The following DLG5 variants were observed in gnomAD, a reference collection of about 807,000 sequenced individuals.
DLG5 encodes the protein discs large MAGUK scaffold protein 5, also known as disks large homolog 5.
In DLG5, 48 loss-of-function variants were observed where a neutral mutation model predicts 189.8. The observed-to-expected ratio is 0.25, with a 90% CI of 0.20 to 0.32. The LOEUF (loss-of-function observed/expected upper bound fraction) is 0.32. Among genes scored for constraint, DLG5 ranks in the 10% least tolerant of loss-of-function variants. The pLI is 1.00. For synonymous variants in DLG5, 1,016 were observed against 1,054.1 expected, an observed-to-expected ratio of 0.96 and a Z score of 0.70; for missense variants, 2,160 against 2,544.7, an observed-to-expected ratio of 0.85 and a Z score of 3.25.
intron 6 of DLG5, 139 bp from the exon 7 acceptor site, chr10:77,842,332 C>G: frequency 8.4e-6 from 9 of 1,069,372 alleles, no homozygotes; most frequent in Non-Finnish European, 1.2e-5. Flanking sequence ...CTCTCCACCC[C>G]CAGGAGAGAA....
intron 27 of DLG5, among the ~76,000 whole-genome samples, chr10:77,803,830 G>GA (rs1274047787): frequency 6.8e-6 from 1 of 147,168 alleles, no homozygotes; most frequent in African/African-American, 2.5e-5. Context: ...GAGAGTGAAG[G>GA]AAAAAAAACA....
rs1843175969 is a variant in DLG5, at chr10:77,837,091, T to G, written c.1438-1169A>C. On this transcript the variant is annotated intron_variant, in intron 7 of 31. Transcript: ENST00000372391. Reference sequence around the variant, plus strand: ...TTAGCCAGACATGGTGGCATGTGCCTGTGGTCCCAGCTACATGGGAGACTG... The same window carrying G: ...TTAGCCAGACATGGTGGCATGTGCCGGTGGTCCCAGCTACATGGGAGACTG... Among the ~76,000 whole-genome samples, 2 of 151,770 alleles carry G rather than the reference T, an allele frequency of 1.3e-5. 1 individual carries two copies. The highest frequency in any genetic ancestry group is 4.2e-4 in the South Asian group (2 of 4,814).
chr10:77,885,165 GTCATC>G (rs1845401545), intron 1 of DLG5, among the ~76,000 whole-genome samples: 1 of 152,134 alleles, frequency 6.6e-6, no homozygotes, highest in Non-Finnish European at 1.5e-5. Flanking sequence ...TTCCACACCT[GTCATC>G]TCAGTACATT....
chr10:77,793,689 G>T (rs552916600), intron 31 of DLG5: 1 of 342,134 alleles, frequency 2.9e-6, no homozygotes, highest in South Asian at 3.5e-5. Flanking sequence ...TCCAGTCCCC[G>T]CCCTGCCTGG....
intron 24 of DLG5, 149 bp downstream of exon 24, chr10:77,809,398 T>C: frequency 1.2e-6 from 1 of 847,534 alleles, no homozygotes; most frequent in Non-Finnish European, 1.8e-6. Flanking sequence ...AGAGCAAGAC[T>C]CTGCCTCAAC....
rs939904389 is a variant in DLG5, at chr10:77,926,595, A to T, written c.-75T>A. ...GAGGCCGGCGGGCGGGCAGGCGAGC[A>T]CCTCGGCAGCAGCCCTAGGGCGCCG... On this transcript the variant is annotated 5_prime_UTR_variant, in exon 1 of 32. Coordinates refer to ENST00000372391, the MANE Select transcript of DLG5 (RefSeq NM_004747.4). This position sits in a 1 kb window ranked among gnomAD's most constrained non-coding sequence, Gnocchi z 5.2. 1.1e-5 allele frequency: 12 copies of T among 1,134,426 alleles called. No homozygotes were observed. The highest frequency in any genetic ancestry group is 1.7e-5 in the African/African-American group (1 of 60,344). The allele number at this position is 1,134,426 out of a possible 1,614,324, so 70.3% of individuals were successfully genotyped here. A position where few individuals can be genotyped will look rare whatever the true frequency, so the allele number is the denominator to read the frequency against.
At chr10:77,868,067 TC>T in intron 2 of DLG5, 1 of 456,656 alleles carries the variant, frequency 2.2e-6, no homozygotes, top group Non-Finnish European at 4.4e-6. Flanking sequence ...GACAGATCTC[TC>T]CCTAGCGCCT....
At chr10:77,870,618 A>G (rs1180165998) in intron 1 of DLG5, among the ~76,000 whole-genome samples, 4 of 152,136 alleles carry the variant, frequency 2.6e-5, no homozygotes, top group Non-Finnish European at 5.9e-5. Flanking sequence ...CAGGGAAGTC[A>G]AGGCTGCAGT....
At chr10:77,818,684 C>G (rs1366339640) in intron 17 of DLG5, among the ~76,000 whole-genome samples, 1 of 152,180 alleles carries the variant, frequency 6.6e-6, no homozygotes, top group Non-Finnish European at 1.5e-5. Context: ...TCCTGACCAC[C>G]CACTCTAACT....
At chr10:77,844,360 G>T (rs1170169430) in intron 5 of DLG5, among the ~76,000 whole-genome samples, 1 of 152,186 alleles carries the variant, frequency 6.6e-6, no homozygotes, top group East Asian at 1.9e-4. Flanking sequence ...TTTGCCTCAC[G>T]CGCCTTTCCC....
chr10:77,865,649 C>T (rs1659390), intron 2 of DLG5, among the ~76,000 whole-genome samples: 39,009 of 152,074 alleles, frequency 0.26, 5,602 homozygotes, highest in Admixed American at 0.39. Flanking sequence ...GAAAAAAGTA[C>T]TGATTGCCTG....
At chr10:77,906,537 A>G in intron 1 of DLG5, among the ~76,000 whole-genome samples, 1 of 151,886 alleles carries the variant, frequency 6.6e-6, no homozygotes, top group East Asian at 1.9e-4. Flanking sequence ...AATGCCATCA[A>G]TCCCACCTTC....
Position 77,794,831 on chromosome 10 carries a change from A to T in DLG5, c.5546+18T>A. On this transcript the variant is annotated intron_variant, in intron 30 of 31. Coordinates refer to ENST00000372391, the MANE Select transcript of DLG5 (RefSeq NM_004747.4). ...CTGTGACAAGGCCCCAGCGGAGCCC[A>T]GGGGGCCAGTTACCTACTTGATGTG... 6.2e-7 allele frequency: 1 copy of T among 1,602,356 alleles called. No individual in the cohort carries two copies. The highest frequency in any genetic ancestry group is 8.5e-7 in the Non-Finnish European group (1 of 1,169,714).
At chr10:77,917,311 C>A (rs1010631552) in intron 1 of DLG5, among the ~76,000 whole-genome samples, 2 of 151,796 alleles carry the variant, frequency 1.3e-5, no homozygotes, top group African/African-American at 2.4e-5. Flanking sequence ...CACTGCACTG[C>A]AGCCTGGGCA....
At chr10:77,866,216 G>A (rs541651826) in intron 2 of DLG5, among the ~76,000 whole-genome samples, 8 of 152,308 alleles carry the variant, frequency 5.3e-5, no homozygotes, top group South Asian at 2.1e-4. Context: ...ACTCCACCCC[G>A]AGGGACTGGT....
chr10:77,887,137 T>C (rs1845463407), intron 1 of DLG5, among the ~76,000 whole-genome samples: 1 of 152,150 alleles, frequency 6.6e-6, no homozygotes, highest in South Asian at 2.1e-4. Context: ...ACTTAAAACT[T>C]CAGCCCCCAG....
chr10:77,821,831 G>C lies in DLG5; in HGVS notation c.2653C>G (p.Pro885Ala). The change falls in exon 15 of 32, where the codon CCC becomes GCC. Residue 885 changes from proline (P) to alanine (A), a missense_variant. Pro to Ala is a conservative substitution (Grantham distance 27, BLOSUM62 -1). This residue lies in a region of DLG5 where 754 missense variants were observed against 746.5 expected (regional missense o/e 1.01). Coordinates refer to ENST00000372391, the MANE Select transcript of DLG5 (RefSeq NM_004747.4). ...GPLQVCPQAC[P>A]SASERSLSSF... ...CTCAGGCTACGCTCAGAGGCACTGG[G>C]ACAGGCCTGGGGGCAGACCTGCAAG... 6.2e-7 allele frequency: 1 copy of C among 1,613,722 alleles called. No individual in the cohort carries two copies. The highest frequency in any genetic ancestry group is 8.5e-7 in the Non-Finnish European group (1 of 1,179,812).
intron 1 of DLG5, among the ~76,000 whole-genome samples, chr10:77,904,688 G>A (rs562650461): frequency 2.6e-4 from 39 of 151,646 alleles, no homozygotes; most frequent in African/African-American, 9.0e-4. Flanking sequence ...TGTAAGCAGT[G>A]CCTTTTGCCC....
chr10:77,839,033 C>T (rs1460022880), intron 7 of DLG5, among the ~76,000 whole-genome samples: 1 of 152,236 alleles, frequency 6.6e-6, no homozygotes, highest in Non-Finnish European at 1.5e-5. Flanking sequence ...AGGATGGAGG[C>T]GGGCTCCAGG....
Sources: gnomAD v4.1 joint callset for allele counts (sites outside exome capture counted in the v4.1 genomes callset) on GRCh38, gnomAD v4.1.1 for gene constraint, gnomAD v4.1.1 regional missense constraint, Gnocchi (gnomAD v3.1) non-coding constraint, MANE v1.5 for transcripts, NCBI Gene and HGNC (gene_info 2026-07-23, HGNC 2026-07-21) for gene names.